Variants in PNKD observed in about 807,000 individuals in gnomAD.
PNKD encodes PNKD metallo-beta-lactamase domain containing, also known as probable thioesterase PNKD.
Under a neutral mutation model 45.3 loss-of-function variants are expected in PNKD, and 36 were observed. The observed-to-expected ratio is 0.80, with a 90% CI of 0.61 to 1.05. The LOEUF is 1.05. Ranked by LOEUF, PNKD falls within the 50% of genes least tolerant of loss-of-function variation. PNKD has a pLI of 0.00. For missense variants in PNKD, 511 were observed against 506.6 expected, an observed-to-expected ratio of 1.01 and a Z score of -0.08; for synonymous variants, 197 against 210.1, an observed-to-expected ratio of 0.94 and a Z score of 0.54.
chr2:218,318,626 A>G (rs1693885252), intron 2 of PNKD, among the ~76,000 whole-genome samples: 1 of 152,174 alleles, frequency 6.6e-6, no homozygotes, highest in South Asian at 2.1e-4. Context: ...TCATTCACTC[A>G]TTCATTCAGC....
chr2:218,334,931 G>A (rs1279235984), intron 2 of PNKD, among the ~76,000 whole-genome samples: 1 of 151,838 alleles, frequency 6.6e-6, no homozygotes, highest in Non-Finnish European at 1.5e-5. Flanking sequence ...GTGCTCTTGT[G>A]TGTTAGAAAC....
chr2:218,275,565 G>A (rs2292550), intron 2 of PNKD: 27 of 1,613,824 alleles, frequency 1.7e-5, no homozygotes, highest in African/African-American at 5.3e-5. Flanking sequence ...TGTAGTCCTC[G>A]GGGCTGATGG....
chr2:218,319,371 C>CTTTTTTTTTTTTTTTT (rs35553031), intron 2 of PNKD, among the ~76,000 whole-genome samples: 2 of 80,216 alleles, frequency 2.5e-5, no homozygotes, highest in Non-Finnish European at 4.6e-5. Flanking sequence ...TCTTGTTTGT[C>CTTTTTTTTTTTTTTTT]TTTTTTTTTT....
intron 2 of PNKD, among the ~76,000 whole-genome samples, chr2:218,281,389 A>G (rs1691973428): frequency 6.6e-6 from 1 of 152,138 alleles, no homozygotes; most frequent in South Asian, 2.1e-4. Flanking sequence ...TGCTCGCCTC[A>G]GCCTCCCAGA....
At chr2:218,278,104 C>CG in intron 2 of PNKD, 1 of 1,071,510 alleles carries the variant, frequency 9.3e-7, no homozygotes, top group Non-Finnish European at 1.4e-6. Flanking sequence ...GGGAGGTTGG[C>CG]ATGGCCTTTG....
Position 218,344,844 on chromosome 2 carries a change from C to A in PNKD, c.1021C>A (p.Pro341Thr). 1 of 1,614,034 alleles carries A rather than the reference C, an allele frequency of 6.2e-7. No homozygotes were observed. The highest frequency in any genetic ancestry group is 8.5e-7 in the Non-Finnish European group (1 of 1,179,870). Residue 341 changes from proline to threonine, a missense_variant, in exon 10 of 10, where the codon CCG becomes ACG. Pro to Thr is a conservative substitution (Grantham distance 38). Transcript: ENST00000273077. Reference sequence around the variant, plus strand: ...CCTGGGAGAGGAGCGCTCCTACAACCCGTTCCTGAGAACCCACTGCCTGGC... The same window carrying A: ...CCTGGGAGAGGAGCGCTCCTACAACACGTTCCTGAGAACCCACTGCCTGGC... ...STLGEERSYN[P>T]FLRTHCLALQ...
intron 2 of PNKD, among the ~76,000 whole-genome samples, chr2:218,293,113 C>T (rs182701712): frequency 2.0e-5 from 3 of 152,318 alleles, no homozygotes; most frequent in Non-Finnish European, 4.4e-5. Flanking sequence ...TGCAAACATG[C>T]AAACCTAGAA....
intron 2 of PNKD, among the ~76,000 whole-genome samples, chr2:218,319,371 C>CTTTTTTTTTTTTTTT (rs35553031): frequency 6.2e-5 from 5 of 80,216 alleles, no homozygotes; most frequent in Non-Finnish European, 1.1e-4. Flanking sequence ...TCTTGTTTGT[C>CTTTTTTTTTTTTTTT]TTTTTTTTTT....
intron 2 of PNKD, chr2:218,272,696 C>T (rs370548811): frequency 3.0e-5 from 49 of 1,614,072 alleles, no homozygotes; most frequent in Non-Finnish European, 3.4e-6. Flanking sequence ...AGTATGAGAG[C>T]CAGAGGTTCA....
At chr2:218,279,995 A>T in intron 2 of PNKD, 1 of 1,590,632 alleles carries the variant, frequency 6.3e-7, no homozygotes, top group Non-Finnish European at 8.6e-7. Flanking sequence ...GAGGGGCCCC[A>T]GGTACACCCA....
rs539652689 is a variant in PNKD, at chr2:218,340,466, T to A, written c.466-262T>A. Among the ~76,000 whole-genome samples the A allele has an allele frequency of 6.6e-6, 1 of 152,110 alleles. No individual in the cohort carries two copies. The highest frequency in any genetic ancestry group is 2.1e-4 in the South Asian group (1 of 4,812). On this transcript the variant is annotated intron_variant, in intron 4 of 9. Transcript: ENST00000273077. The surrounding 1 kb of genome is among the most constrained non-coding windows in gnomAD (Gnocchi z 4.2). ...CCTTTCTTTCTGTCACCTCTGTCTG[T>A]CAGTATCTGGGTCTCTCTGTCTTTC...
chr2:218,331,140 C>T (rs1694304714), intron 2 of PNKD, among the ~76,000 whole-genome samples: 2 of 152,316 alleles, frequency 1.3e-5, no homozygotes, highest in South Asian at 4.1e-4. Context: ...TCCAGCCGGA[C>T]ATGGTGGCTG....
At chr2:218,328,653 A>C (rs961727460) in intron 2 of PNKD, among the ~76,000 whole-genome samples, 1 of 152,188 alleles carries the variant, frequency 6.6e-6, no homozygotes, top group Non-Finnish European at 1.5e-5. Flanking sequence ...AAACCTTGTG[A>C]TGATGTCAGC....
At position 218,340,080 on chromosome 2, in the gene PNKD, T is replaced by TCGACAACTACAACTACAACTA; in HGVS notation, c.405_406insGACAACTACAACTACAACTAC (p.Ile135_Ile136insAspAsnTyrAsnTyrAsnTyr). 6.2e-7 allele frequency: 1 copy of TCGACAACTACAACTACAACTA among 1,613,986 alleles called. No individual in the cohort carries two copies. Among genetic ancestry groups the TCGACAACTACAACTACAACTA allele is most frequent in the Non-Finnish European group, 8.5e-7 (1 of 1,179,926 alleles). ...CTCTCGGACAACTACAGCTACCTCA[T>TCGACAACTACAACTACAACTA]CATCGACACCCAGGCCCAGCTGGCT... On this transcript the variant is annotated inframe_insertion, in exon 4 of 10. Transcript: ENST00000273077. This position sits in a 1 kb window ranked among gnomAD's most constrained non-coding sequence, Gnocchi z 4.2.
chr2:218,279,161 C>T (rs1691586363), intron 2 of PNKD: 1 of 1,594,936 alleles, frequency 6.3e-7, no homozygotes, highest in Non-Finnish European at 8.6e-7. Flanking sequence ...AGCCAGGCAG[C>T]CCTGGCTTCA....
intron 2 of PNKD, among the ~76,000 whole-genome samples, chr2:218,296,799 T>C (rs1693150226): frequency 6.6e-6 from 1 of 152,080 alleles, no homozygotes; most frequent in African/African-American, 2.4e-5. Context: ...CTGCTTGGCC[T>C]CCTGAGTAGC....
In PNKD at chr2:218,336,213, C is replaced by CAA. The variant is rs60697754; in HGVS notation, c.237-3556_237-3555dup. On this transcript the variant is annotated intron_variant, in intron 2 of 9. Coordinates refer to ENST00000273077, the MANE Select transcript of PNKD (RefSeq NM_015488.5). Reference sequence around the variant, plus strand: ...ACGGTGACAGAGTGAGACTCCATCTCAAAAAAAAAAAAAAAGTTTGGAAAA... The same window carrying CAA: ...ACGGTGACAGAGTGAGACTCCATCTCAAAAAAAAAAAAAAAAAGTTTGGAAAA... Among the ~76,000 whole-genome samples the CAA allele has an allele frequency of 4.3e-5, 4 of 92,808 alleles. 1 individual carries two copies. Among genetic ancestry groups the CAA allele is most frequent in the Admixed American group, 1.3e-4 (1 of 7,510 alleles). The allele number at this position is 92,808 out of a possible 152,430, so 60.9% of individuals were successfully genotyped here. A position where few individuals can be genotyped will look rare whatever the true frequency, so the allele number is the denominator to read the frequency against.
chr2:218,275,672 G>A lies in PNKD; in HGVS notation c.236+4123G>A, dbSNP rs558570235. On this transcript the variant is annotated intron_variant, in intron 2 of 9. Coordinates refer to ENST00000273077, the MANE Select transcript of PNKD (RefSeq NM_015488.5). Reference sequence around the variant, plus strand: ...GAGAACTCAGGCATCAGTGTCCAGAGCTCATTTTTGGTCAGCAGATTTGTC... The same window carrying A: ...GAGAACTCAGGCATCAGTGTCCAGAACTCATTTTTGGTCAGCAGATTTGTC... 8.2e-6 allele frequency: 13 copies of A among 1,576,956 alleles called. No homozygotes were observed. The South Asian group carries it at 1.3e-4, about 16-fold the overall frequency.
chr2:218,332,008 G>T lies in PNKD; in HGVS notation c.237-7775G>T, dbSNP rs917189750. Among the ~76,000 whole-genome samples the T allele has an allele frequency of 2.6e-5, 4 of 152,154 alleles. No homozygotes were observed. In the South Asian group the frequency reaches 8.3e-4, roughly 32 times the overall value. ...TGGGAGCACGGGATTATCACTGGGC[G>T]GTACAGGAGGGGAGGAGGCAGTCCC... On this transcript the variant is annotated intron_variant, in intron 2 of 9. Coordinates refer to ENST00000273077, the MANE Select transcript of PNKD (RefSeq NM_015488.5).
Sources: allele counts gnomAD v4.1 joint callset (sites outside exome capture counted in the v4.1 genomes callset), GRCh38; gene constraint gnomAD v4.1.1; non-coding constraint Gnocchi (gnomAD v3.1); transcripts MANE v1.5; gene names NCBI Gene and HGNC (gene_info 2026-07-23, HGNC 2026-07-21).